The following RBFOX1 variants were observed in gnomAD, a reference collection of about 807,000 sequenced individuals.
The protein encoded by RBFOX1 is RNA binding protein fox-1 homolog 1.
RBFOX1 carries 8 observed loss-of-function variants against 57.7 expected under a neutral mutation model. The ratio of observed to expected loss-of-function variants is 0.14; its 90% CI spans 0.08 to 0.25. The LOEUF is 0.25. RBFOX1 is among the 10% of genes least tolerant of loss of function. The pLI, the probability that RBFOX1 is intolerant of heterozygous loss-of-function variation, is 1.00. For synonymous variants in RBFOX1, 326 were observed against 222.4 expected (o/e 1.47, Z -4.15); for missense variants, 611 against 548.5 (o/e 1.11, Z -1.14).
chr16:5,810,902 C>T (rs144381094), intron 3 of RBFOX1, among the ~76,000 whole-genome samples: 1,639 of 152,260 alleles, frequency 0.011, 41 homozygotes, highest in African/African-American at 0.037. Flanking sequence ...GGAAACTTCA[C>T]ACATATGAAG....
intron 3 of RBFOX1, among the ~76,000 whole-genome samples, chr16:6,690,116 C>T (rs1474588296): frequency 6.6e-6 from 1 of 152,022 alleles, no homozygotes; most frequent in African/African-American, 2.4e-5. Context: ...AATAAAAATG[C>T]TTAGAAGATG....
intron 14 of RBFOX1, among the ~76,000 whole-genome samples, chr16:7,703,559 G>A (rs775097799): frequency 1.3e-5 from 2 of 152,174 alleles, no homozygotes; most frequent in Non-Finnish European, 2.9e-5. Context: ...AAATTAATTA[G>A]TGTTCTTACT....
rs79106570 is a variant in RBFOX1, at chr16:5,913,206, C to G, written c.351+45871C>G. On this transcript the variant is annotated intron_variant, in intron 4 of 19. Transcript: ENST00000641259. The stretch of plus-strand genomic sequence containing the variant: ...ATAGGTAGAAAGCCACACACGGGTG[C>G]ATGACACCATCTTATTTATCCCACG... Among the ~76,000 whole-genome samples the G allele has an allele frequency of 7.7e-4, 117 of 152,318 alleles. 1 individual carries two copies. In the East Asian group the frequency reaches 0.019, roughly 25 times the overall value.
At chr16:6,932,179 C>G (rs183467435) in intron 3 of RBFOX1, among the ~76,000 whole-genome samples, 3 of 152,328 alleles carry the variant, frequency 2.0e-5, no homozygotes, top group East Asian at 1.9e-4. Flanking sequence ...TCTTGGCTCA[C>G]TGCAACCTCC....
At chr16:6,544,021 C>A (rs1029196095) in intron 2 of RBFOX1, among the ~76,000 whole-genome samples, 2 of 152,132 alleles carry the variant, frequency 1.3e-5, no homozygotes, top group African/African-American at 4.8e-5. Context: ...TTATGTTTGC[C>A]AAATATTAGC....
chr16:7,354,924 C>T (rs1353670987), intron 4 of RBFOX1, among the ~76,000 whole-genome samples: 1 of 152,178 alleles, frequency 6.6e-6, no homozygotes, highest in South Asian at 2.1e-4. Context: ...ATCTTGTGGT[C>T]TCTTTGCTCT....
At chr16:6,053,833 G>A (rs2095582103) in intron 1 of RBFOX1, among the ~76,000 whole-genome samples, 1 of 152,080 alleles carries the variant, frequency 6.6e-6, no homozygotes, top group East Asian at 1.9e-4. Context: ...TGAGGCAGGA[G>A]GATCGCTTGA....
chr16:6,073,618 G>T (rs181211285), intron 1 of RBFOX1, among the ~76,000 whole-genome samples: 4 of 152,236 alleles, frequency 2.6e-5, no homozygotes, highest in African/African-American at 9.6e-5. Flanking sequence ...AATTTTTGGT[G>T]CACAAACATG....
At chr16:5,337,814 T>G (rs1411626090) in intron 1 of RBFOX1, among the ~76,000 whole-genome samples, 1 of 152,142 alleles carries the variant, frequency 6.6e-6, no homozygotes, top group Non-Finnish European at 1.5e-5. Context: ...GGAATATAAA[T>G]TAATGTATTG....
At chr16:5,989,373 A>G (rs1238037963) in intron 4 of RBFOX1, among the ~76,000 whole-genome samples, 3 of 152,072 alleles carry the variant, frequency 2.0e-5, no homozygotes, top group Non-Finnish European at 2.9e-5. Flanking sequence ...CAAAAAACTT[A>G]ATTACAGGGG....
chr16:7,306,808 T>C (rs1203752291), intron 4 of RBFOX1, among the ~76,000 whole-genome samples: 1 of 152,172 alleles, frequency 6.6e-6, no homozygotes, highest in Non-Finnish European at 1.5e-5. Context: ...TATTTAGCAT[T>C]CCAGACAATC....
At chr16:6,221,147 A>G (rs59387399) in intron 1 of RBFOX1, among the ~76,000 whole-genome samples, 29,675 of 152,176 alleles carry the variant, frequency 0.2, 3,759 homozygotes, top group East Asian at 0.46. Context: ...AAATGGAAAT[A>G]TCTTGCACAG....
chr16:7,630,124 A>G (rs1354108550), intron 10 of RBFOX1, among the ~76,000 whole-genome samples: 1 of 151,818 alleles, frequency 6.6e-6, no homozygotes, highest in Non-Finnish European at 1.5e-5. Context: ...TGCCCTGGGT[A>G]CGTCTCCAGT....
At chr16:6,795,608 A>G (rs1322096562) in intron 3 of RBFOX1, among the ~76,000 whole-genome samples, 1 of 151,960 alleles carries the variant, frequency 6.6e-6, no homozygotes, top group Non-Finnish European at 1.5e-5. Flanking sequence ...TCTACTAAAA[A>G]TACAAAAATT....
intron 2 of RBFOX1, among the ~76,000 whole-genome samples, chr16:6,546,543 C>G (rs1334600962): frequency 1.3e-5 from 2 of 152,194 alleles, no homozygotes; most frequent in Non-Finnish European, 2.9e-5. Context: ...CTGTCTGCTT[C>G]TACTTTCATG....
At chr16:5,521,751 T>G (rs2044027155) in intron 2 of RBFOX1, among the ~76,000 whole-genome samples, 1 of 152,230 alleles carries the variant, frequency 6.6e-6, no homozygotes, top group Non-Finnish European at 1.5e-5. Context: ...GTTCACACAA[T>G]ATACCCAGGT....
intron 4 of RBFOX1, among the ~76,000 whole-genome samples, chr16:6,006,865 A>T (rs187990684): frequency 6.6e-6 from 1 of 152,276 alleles, no homozygotes; most frequent in East Asian, 1.9e-4. Flanking sequence ...CATATGTTGA[A>T]TTGCATGCTC....
At chr16:7,466,408 G>A (rs1432391636) in intron 4 of RBFOX1, among the ~76,000 whole-genome samples, 1 of 152,152 alleles carries the variant, frequency 6.6e-6, no homozygotes, top group African/African-American at 2.4e-5. Flanking sequence ...TCCCAGTGAG[G>A]CAGGTACTCA....
intron 1 of RBFOX1, among the ~76,000 whole-genome samples, chr16:5,419,113 C>T (rs145244173): frequency 2.0e-5 from 3 of 152,190 alleles, no homozygotes; most frequent in Non-Finnish European, 4.4e-5. Flanking sequence ...GCCATTGTTC[C>T]CTGGTGTGGA....
Sources: allele counts gnomAD v4.1 joint callset (sites outside exome capture counted in the v4.1 genomes callset), GRCh38; gene constraint gnomAD v4.1.1; transcripts MANE v1.5; gene names NCBI Gene and HGNC (gene_info 2026-07-23, HGNC 2026-07-21).